NPAS3: variants seen among roughly 807,000 people sequenced by gnomAD.
NPAS3 encodes neuronal PAS domain-containing protein 3.
Under a neutral mutation model 73.1 loss-of-function variants are expected in NPAS3, and 14 were observed. The ratio of observed to expected loss-of-function variants is 0.19; its 90% CI spans 0.13 to 0.30. The LOEUF (loss-of-function observed/expected upper bound fraction) is 0.30. Ranked by LOEUF, NPAS3 falls within the 10% of genes least tolerant of loss-of-function variation. The pLI, the probability that NPAS3 is intolerant of heterozygous loss-of-function variation, is 1.00. For synonymous variants in NPAS3, 620 were observed against 541.5 expected (o/e 1.14, Z -2.01); for missense variants, 1,096 against 1,250.0 (o/e 0.88, Z 1.86).
intron 1 of NPAS3, among the ~76,000 whole-genome samples, chr14:32,952,298 A>C (rs1241021237): frequency 6.6e-6 from 1 of 152,160 alleles, no homozygotes; most frequent in East Asian, 1.9e-4. Context: ...TATAATGTGT[A>C]CTAGACTTCC....
chr14:33,548,382 A>G (rs1026649172), intron 4 of NPAS3, among the ~76,000 whole-genome samples: 1 of 152,196 alleles, frequency 6.6e-6, no homozygotes, highest in Non-Finnish European at 1.5e-5. Flanking sequence ...GTGGGTAAAT[A>G]ATCATTGTGC....
At chr14:33,001,306 G>T (rs1279601194) in intron 1 of NPAS3, among the ~76,000 whole-genome samples, 3 of 152,158 alleles carry the variant, frequency 2.0e-5, no homozygotes, top group Non-Finnish European at 4.4e-5. Context: ...CTACTGACCA[G>T]AACTCAGTCT....
intron 4 of NPAS3, among the ~76,000 whole-genome samples, chr14:33,558,392 C>T (rs987811279): frequency 1.3e-5 from 2 of 152,022 alleles, no homozygotes; most frequent in African/African-American, 4.8e-5. Context: ...TCCCAAGTAT[C>T]TGGGATTACA....
rs547026338 is a variant in NPAS3 at position 33,246,791 on chromosome 14, C to T, written c.385+31365C>T. Among the ~76,000 whole-genome samples, 24 of 130,438 alleles carry T rather than the reference C, an allele frequency of 1.8e-4. No homozygotes were observed. In the Admixed American group the frequency reaches 1.9e-3, roughly 10 times the overall value. 85.6% of individuals were successfully genotyped at this position (130,438 alleles called of 152,430 possible). A position where few individuals can be genotyped will look rare whatever the true frequency, so the allele number is the denominator to read the frequency against. On this transcript the variant is annotated intron_variant, in intron 3 of 11. Coordinates refer to ENST00000356141, the Ensembl canonical transcript of NPAS3. ...GTGGATCACCTGAGGATCAGGAGTTCGAGACCAGGCTGGCCAACATGGTGA... is the reference window on the plus strand; with the variant it reads ...GTGGATCACCTGAGGATCAGGAGTTTGAGACCAGGCTGGCCAACATGGTGA...
intron 3 of NPAS3, among the ~76,000 whole-genome samples, chr14:33,341,470 C>A (rs2133893): frequency 0.71 from 108,389 of 151,842 alleles, 38,825 homozygotes; most frequent in Admixed American, 0.77. Context: ...TTTTTTAAAC[C>A]AAACTGTGTA....
chr14:33,801,487 G>C (rs2063713379), downstream of NPAS3: 1 of 257,280 alleles, frequency 3.9e-6, no homozygotes, highest in Non-Finnish European at 7.5e-6. Flanking sequence ...TCTTCATAAA[G>C]ATCTTGATAT....
At chr14:33,787,385 G>A (rs1017301222) in intron 9 of NPAS3, among the ~76,000 whole-genome samples, 1 of 152,006 alleles carries the variant, frequency 6.6e-6, no homozygotes, top group Non-Finnish European at 1.5e-5. Context: ...TCTATCAATT[G>A]GCAGTGTATA....
In NPAS3 at chr14:33,700,526, A is replaced by G. The variant is rs553194579; in HGVS notation, c.733+24141A>G. Among the ~76,000 whole-genome samples, 20 of 152,364 alleles carry G rather than the reference A, an allele frequency of 1.3e-4. No individual in the cohort carries two copies. In the South Asian group the frequency reaches 4.1e-3, roughly 32 times the overall value. On this transcript the variant is annotated intron_variant, in intron 6 of 11. Transcript: ENST00000356141. Reference sequence around the variant, plus strand: ...TTTTATTAACACATTCCTGCCCTAGAGTCCTACGGTAATAATTCTTTACCT... The same window carrying G: ...TTTTATTAACACATTCCTGCCCTAGGGTCCTACGGTAATAATTCTTTACCT...
intron 2 of NPAS3, among the ~76,000 whole-genome samples, chr14:33,147,607 A>G (rs1387262561): frequency 6.6e-6 from 1 of 151,652 alleles, no homozygotes; most frequent in Non-Finnish European, 1.5e-5. Context: ...GGATAGCATT[A>G]GGAGATAGAC....
chr14:33,793,974 A>G, exon 10 of NPAS3: 1 of 1,613,796 alleles, frequency 6.2e-7, no homozygotes, highest in Non-Finnish European at 8.5e-7. Context: ...GATACAGTCC[A>G]GTGCCACCAT....
At chr14:33,459,449 G>A (rs565955934) in intron 4 of NPAS3, among the ~76,000 whole-genome samples, 6 of 152,220 alleles carry the variant, frequency 3.9e-5, no homozygotes, top group Non-Finnish European at 7.3e-5. Flanking sequence ...TGCACATTTA[G>A]TTGATTGAGT....
At chr14:33,331,261 CT>C (rs374384965) in intron 3 of NPAS3, among the ~76,000 whole-genome samples, 36 of 152,240 alleles carry the variant, frequency 2.4e-4, no homozygotes, top group African/African-American at 8.4e-4. Flanking sequence ...CTATCTGGAA[CT>C]TAAAGGAAAT....
intron 1 of NPAS3, among the ~76,000 whole-genome samples, chr14:33,034,245 A>G (rs948666776): frequency 1.3e-5 from 2 of 151,970 alleles, no homozygotes; most frequent in African/African-American, 4.8e-5. Context: ...ATGTTTCTAA[A>G]GTAGGATTAA....
chr14:33,281,336 A>G (rs1237069836), intron 3 of NPAS3, among the ~76,000 whole-genome samples: 2 of 152,144 alleles, frequency 1.3e-5, no homozygotes, highest in Admixed American at 1.3e-4. Flanking sequence ...GATATTTTAA[A>G]CATTTTTTTT....
At chr14:33,332,605 A>G (rs1352615954) in intron 3 of NPAS3, among the ~76,000 whole-genome samples, 1 of 152,188 alleles carries the variant, frequency 6.6e-6, no homozygotes, top group African/African-American at 2.4e-5. Flanking sequence ...CCTTAACCAC[A>G]GGCGTATGAA....
At chr14:33,344,902 G>A (rs2044657752) in intron 3 of NPAS3, among the ~76,000 whole-genome samples, 1 of 152,142 alleles carries the variant, frequency 6.6e-6, no homozygotes, top group Admixed American at 6.5e-5. Flanking sequence ...GGTGTGTGTG[G>A]CTCTGTGGAG....
rs552044019 is a variant in NPAS3, at chr14:33,748,596, C to T, written c.852+13264C>T. On this transcript the variant is annotated intron_variant, in intron 7 of 11. Transcript: ENST00000356141. ...ACAGAGTGCCTTAATAGGGGCACACCTGGTGGGGAGAGTCAAAAAATTTCA... is the reference window on the plus strand; with the variant it reads ...ACAGAGTGCCTTAATAGGGGCACACTTGGTGGGGAGAGTCAAAAAATTTCA... 2.2e-4 allele frequency among the ~76,000 whole-genome samples: 34 copies of T among 152,316 alleles called. No homozygotes were observed. In the South Asian group the frequency reaches 4.6e-3, roughly 20 times the overall value.
At chr14:33,463,845 G>T (rs1355316714) in intron 4 of NPAS3, among the ~76,000 whole-genome samples, 1 of 152,184 alleles carries the variant, frequency 6.6e-6, no homozygotes, top group Non-Finnish European at 1.5e-5. Context: ...GGTGACCCAT[G>T]GATTTCATTT....
intron 4 of NPAS3, among the ~76,000 whole-genome samples, chr14:33,446,875 G>A (rs1272490976): frequency 1.3e-5 from 2 of 152,222 alleles, no homozygotes; most frequent in Non-Finnish European, 2.9e-5. Flanking sequence ...TTTCTAATAT[G>A]TTGATTTGAG....
Sources: allele counts gnomAD v4.1 joint callset (sites outside exome capture counted in the v4.1 genomes callset), GRCh38; gene constraint gnomAD v4.1.1; transcripts MANE v1.5; gene names NCBI Gene and HGNC (gene_info 2026-07-23, HGNC 2026-07-21).